OPRM1: variants seen among roughly 807,000 people sequenced by gnomAD.
OPRM1 encodes opioid receptor mu 1.
In OPRM1, 27 loss-of-function variants were observed where a neutral mutation model predicts 31.8. The ratio of observed to expected loss-of-function variants is 0.85; its 90% CI spans 0.63 to 1.17. OPRM1 has a LOEUF of 1.17. Among genes scored for constraint, OPRM1 ranks in the 50% most tolerant of loss-of-function variants. The probability of loss-of-function intolerance (pLI) is 0.00; values close to 1 mark genes in which losing one functional copy is unlikely to be tolerated. For missense variants in OPRM1, 536 were observed against 511.1 expected (o/e 1.05, Z -0.47); for synonymous variants, 196 against 189.9 (o/e 1.03, Z -0.26).
exon 1 of OPRM1, chr6:154,010,738 T>A: frequency 7.0e-7 from 1 of 1,425,596 alleles, no homozygotes; most frequent in Non-Finnish European, 9.2e-7. Context: ...TTTGCCTGCA[T>A]GAATTGCCCC....
At chr6:154,075,003 C>T (rs1449775804) in intron 1 of OPRM1, among the ~76,000 whole-genome samples, 1 of 151,924 alleles carries the variant, frequency 6.6e-6, no homozygotes, top group African/African-American at 2.4e-5. Context: ...TCTCTGTGTT[C>T]CAGGCACAAT....
At chr6:154,033,963 A>G (rs1184043608) in intron 1 of OPRM1, among the ~76,000 whole-genome samples, 1 of 152,268 alleles carries the variant, frequency 6.6e-6, no homozygotes, top group Non-Finnish European at 1.5e-5. Context: ...ACCCCATGGC[A>G]TACTAAGAGT....
At chr6:154,229,177 C>T (rs1357949730) in intron 3 of OPRM1, among the ~76,000 whole-genome samples, 1 of 152,134 alleles carries the variant, frequency 6.6e-6, no homozygotes, top group Non-Finnish European at 1.5e-5. Context: ...TTGTGAGTAC[C>T]TTGAAGGAAA....
intron 1 of OPRM1, among the ~76,000 whole-genome samples, chr6:154,045,236 A>C (rs1161443351): frequency 6.6e-6 from 1 of 152,122 alleles, no homozygotes; most frequent in Non-Finnish European, 1.5e-5. Context: ...AACAAAAAAA[A>C]TAAATTAAAA....
chr6:154,199,851 C>T (rs1361728860), intron 3 of OPRM1: 2 of 1,614,088 alleles, frequency 1.2e-6, no homozygotes, highest in Non-Finnish European at 8.5e-7. Flanking sequence ...TGAACTTGCA[C>T]AGCAAACGTT....
At chr6:154,228,740 G>C (rs2128623760) in intron 3 of OPRM1, among the ~76,000 whole-genome samples, 1 of 152,194 alleles carries the variant, frequency 6.6e-6, no homozygotes, top group Admixed American at 6.5e-5. Context: ...CTCTGCTCTT[G>C]GCCAGATGTG....
At chr6:154,040,287 G>T (rs566435992) in intron 1 of OPRM1, among the ~76,000 whole-genome samples, 2 of 151,984 alleles carry the variant, frequency 1.3e-5, no homozygotes, top group Non-Finnish European at 2.9e-5. Flanking sequence ...GTGTGTGGCG[G>T]GGGGAGCAGT....
chr6:154,157,358 T>TG (rs779049730), intron 3 of OPRM1: 1 of 152,278 alleles, frequency 6.6e-6, no homozygotes, highest in Non-Finnish European at 1.5e-5. Context: ...GAGCAGGCAA[T>TG]GGGGCTCCAG....
intron 1 of OPRM1, among the ~76,000 whole-genome samples, chr6:154,069,472 C>T (rs62436463): frequency 0.068 from 10,421 of 152,178 alleles, 491 homozygotes; most frequent in Middle Eastern, 0.13. Context: ...CACTTGACCT[C>T]GTGATCTGCC....
chr6:154,124,297 A>G lies in OPRM1; in HGVS notation c.*5576A>G, dbSNP rs2128528696. 6.6e-6 allele frequency among the ~76,000 whole-genome samples: 1 copy of G among 152,366 alleles called. No individual in the cohort carries two copies. The highest frequency in any genetic ancestry group is 1.9e-4 in the East Asian group (1 of 5,190). ...AGATTATTCTAGACCTTAGGCAGAT[A>G]TTCAGAGAAAGATCAGTTTTCTATG... On this transcript the variant is annotated 3_prime_UTR_variant, in exon 4 of 4. Coordinates refer to ENST00000330432, the MANE Select transcript of OPRM1 (RefSeq NM_000914.5).
intron 3 of OPRM1, among the ~76,000 whole-genome samples, chr6:154,160,448 G>A (rs1798918078): frequency 6.6e-6 from 1 of 151,990 alleles, no homozygotes; most frequent in Non-Finnish European, 1.5e-5. Context: ...CTTTACCTAG[G>A]ACATATGGCA....
chr6:154,091,718 T>A, intron 3 of OPRM1: 1 of 1,247,792 alleles, frequency 8.0e-7, no homozygotes, highest in Non-Finnish European at 1.0e-6. Flanking sequence ...TCAAAATAAC[T>A]ATTTTTATGG....
intron 1 of OPRM1, among the ~76,000 whole-genome samples, chr6:154,063,191 ACTCTT>A (rs1231665505): frequency 2.0e-5 from 3 of 151,948 alleles, no homozygotes; most frequent in Non-Finnish European, 2.9e-5. Flanking sequence ...AAACTTCAGT[ACTCTT>A]CTCTTTAAAA....
At chr6:154,023,197 C>T (rs1469422398) in intron 1 of OPRM1, among the ~76,000 whole-genome samples, 2 of 151,918 alleles carry the variant, frequency 1.3e-5, no homozygotes, top group Non-Finnish European at 2.9e-5. Context: ...GAATATTTTT[C>T]AATTTTTTAG....
At chr6:154,192,395 G>T (rs1397942170) in intron 3 of OPRM1, among the ~76,000 whole-genome samples, 1 of 151,636 alleles carries the variant, frequency 6.6e-6, no homozygotes, top group Non-Finnish European at 1.5e-5. Flanking sequence ...GATAGAGAGA[G>T]AACACTCTTC....
intron 1 of OPRM1, among the ~76,000 whole-genome samples, chr6:154,083,027 G>A (rs1286578013): frequency 2.0e-5 from 3 of 152,048 alleles, no homozygotes; most frequent in Non-Finnish European, 4.4e-5. Flanking sequence ...CTTCTGATAC[G>A]TGCTATCCAT....
At chr6:154,109,788 CTCTCTGTGTGTGTG>C (rs1399094551) in intron 3 of OPRM1, among the ~76,000 whole-genome samples, 9 of 103,836 alleles carry the variant, frequency 8.7e-5, no homozygotes, top group South Asian at 3.3e-4. Context: ...CTCTCTCTCT[CTCTCTGTGTGTGTG>C]TGTGTGTGTG....
Position 154,159,783 on chromosome 6 carries a change from A to C in OPRM1, c.1164+68311A>C, listed in dbSNP as rs575111588. On this transcript the variant is annotated intron_variant, in intron 3 of 3. Coordinates refer to the OPRM1 transcript ENST00000337049. ...TGTAAGCTTTTGCAACATCTTGAAG[A>C]GTTGCTTGTGATAAAATATAAGAGG... The C allele has an allele frequency of 1.1e-5, 16 of 1,431,528 alleles. No homozygotes were observed. In the African/African-American group the frequency reaches 2.1e-4, roughly 19 times the overall value. The allele number at this position is 1,431,528 out of a possible 1,614,324, so 88.7% of individuals were successfully genotyped here.
downstream of OPRM1, among the ~76,000 whole-genome samples, chr6:154,134,004 T>C (rs2128535466): frequency 6.6e-6 from 1 of 152,336 alleles, no homozygotes; most frequent in Non-Finnish European, 1.5e-5. Context: ...GAAGAAGCTT[T>C]AAGTTTGGCT....
Sources: allele counts gnomAD v4.1 joint callset (sites outside exome capture counted in the v4.1 genomes callset), GRCh38; gene constraint gnomAD v4.1.1; transcripts MANE v1.5; gene names NCBI Gene and HGNC (gene_info 2026-07-23, HGNC 2026-07-21).